Variants in KAZN observed in about 807,000 individuals in gnomAD.
KAZN encodes kazrin.
Under a neutral mutation model 87.4 loss-of-function variants are expected in KAZN, and 40 were observed. That is an observed-to-expected ratio of 0.46 (90% CI 0.36 to 0.60). The LOEUF (loss-of-function observed/expected upper bound fraction) is 0.60, where lower values mean the gene tolerates loss of function less well. Among genes scored for constraint, KAZN ranks in the 20% least tolerant of loss-of-function variants. The pLI, the probability that KAZN is intolerant of heterozygous loss-of-function variation, is 0.00. For missense variants in KAZN, 898 were observed against 1,073.9 expected, an observed-to-expected ratio of 0.84 and a Z score of 2.29; for synonymous variants, 466 against 458.3, an observed-to-expected ratio of 1.02 and a Z score of -0.22.
chr1:14,490,057 G>A (rs1022818485), intron 2 of KAZN, among the ~76,000 whole-genome samples: 2 of 152,150 alleles, frequency 1.3e-5, no homozygotes, highest in African/African-American at 4.8e-5. Context: ...GCCTGAAGAG[G>A]AAGGCACATC....
chr1:14,815,471 C>T (rs1646535515), intron 1 of KAZN, among the ~76,000 whole-genome samples: 2 of 152,164 alleles, frequency 1.3e-5, no homozygotes, highest in Admixed American at 1.3e-4. Context: ...CAACAACCCT[C>T]TGAAATCCGT....
At chr1:14,100,819 T>C (rs907191903) in intron 1 of KAZN, among the ~76,000 whole-genome samples, 1 of 152,200 alleles carries the variant, frequency 6.6e-6, no homozygotes, top group Non-Finnish European at 1.5e-5. Context: ...TGAATTCCCA[T>C]GTGTTTGTGG....
chr1:14,195,140 T>A (rs979581744), intron 2 of KAZN, among the ~76,000 whole-genome samples: 6 of 152,188 alleles, frequency 3.9e-5, no homozygotes, highest in East Asian at 1.9e-4. Flanking sequence ...TATATTTTTT[T>A]AAATTCTATA....
At chr1:14,508,241 T>G (rs1670709923) in intron 2 of KAZN, among the ~76,000 whole-genome samples, 1 of 152,154 alleles carries the variant, frequency 6.6e-6, no homozygotes, top group Non-Finnish European at 1.5e-5. Context: ...CTAGAAGAGA[T>G]AGTTCTGGGC....
At chr1:14,480,718 CAG>C (rs1411777753) in intron 2 of KAZN, among the ~76,000 whole-genome samples, 1 of 140,184 alleles carries the variant, frequency 7.1e-6, no homozygotes, top group East Asian at 2.0e-4. Context: ...TATATATAAA[CAG>C]ATACATAAAT....
At chr1:14,614,255 C>A (rs544680386) in intron 1 of KAZN, among the ~76,000 whole-genome samples, 1 of 152,354 alleles carries the variant, frequency 6.6e-6, no homozygotes, top group South Asian at 2.1e-4. Flanking sequence ...TTTACAAAAC[C>A]ATTTCCCTGT....
intron 2 of KAZN, among the ~76,000 whole-genome samples, chr1:14,256,652 T>C (rs1435748088): frequency 6.6e-6 from 1 of 152,294 alleles, no homozygotes; most frequent in East Asian, 1.9e-4. Flanking sequence ...TTCTTGGCTG[T>C]GTGATTGTGG....
intron 1 of KAZN, among the ~76,000 whole-genome samples, chr1:14,665,531 C>T (rs1329543242): frequency 1.3e-5 from 2 of 150,484 alleles, no homozygotes; most frequent in Non-Finnish European, 3.0e-5. Context: ...CCTTCAGGTG[C>T]GTGTTAGGGG....
intron 1 of KAZN, among the ~76,000 whole-genome samples, chr1:14,940,647 C>G (rs571760966): frequency 1.9e-4 from 29 of 152,234 alleles, no homozygotes; most frequent in African/African-American, 6.7e-4. Context: ...GCTGCTGGAG[C>G]CTGTACCTTC....
chr1:13,893,712 CCTT>C (rs1284522774), exon 1 of KAZN: 6 of 1,550,524 alleles, frequency 3.9e-6, no homozygotes, highest in Non-Finnish European at 4.4e-6. Flanking sequence ...GGCCCCGTCA[CCTT>C]CTCCCACGTC....
chr1:15,103,634 C>T (rs1641177937), intron 12 of KAZN, among the ~76,000 whole-genome samples, 174 bp downstream of exon 12: 1 of 149,226 alleles, frequency 6.7e-6, no homozygotes, highest in South Asian at 2.1e-4. Context: ...AGCATCTTAA[C>T]TCAGGCCCAG....
chr1:14,162,649 A>C (rs1645734654), intron 1 of KAZN, among the ~76,000 whole-genome samples: 1 of 149,686 alleles, frequency 6.7e-6, no homozygotes, highest in Admixed American at 6.7e-5. Context: ...GGTTCACGCC[A>C]TTCTCCTGCC....
At chr1:13,997,508 T>C (rs1373305427) in intron 1 of KAZN, among the ~76,000 whole-genome samples, 1 of 151,430 alleles carries the variant, frequency 6.6e-6, no homozygotes, top group Non-Finnish European at 1.5e-5. Flanking sequence ...GAATAACCAG[T>C]TTTGAAAGGA....
intron 2 of KAZN, among the ~76,000 whole-genome samples, chr1:14,976,007 G>A (rs1280289839): frequency 2.8e-5 from 4 of 144,788 alleles, no homozygotes; most frequent in African/African-American, 1.0e-4. Flanking sequence ...ACTCCAGCCT[G>A]GGCGACTGAG....
chr1:14,148,249 G>T (rs11583616), intron 1 of KAZN, among the ~76,000 whole-genome samples: 60,306 of 151,782 alleles, frequency 0.4, 12,281 homozygotes, highest in Middle Eastern at 0.49. Context: ...ATTTCTAATA[G>T]AAACTTTAAT....
In KAZN at chr1:14,599,234, C is replaced by T; in HGVS notation, c.226+11C>T. 1.5e-6 allele frequency: 2 copies of T among 1,367,108 alleles called. No homozygotes were observed. Among genetic ancestry groups the T allele is most frequent in the South Asian group, 2.1e-5 (1 of 48,422 alleles). 84.7% of individuals were successfully genotyped at this position (1,367,108 alleles called of 1,614,324 possible). On this transcript the variant is annotated intron_variant, in intron 1 of 14. Transcript: ENST00000376030. This position sits in a 1 kb window ranked among gnomAD's most constrained non-coding sequence, Gnocchi z 4.4. The stretch of plus-strand genomic sequence containing the variant: ...AGCTTGGAGCGCAAGGTAGGATCGC[C>T]CCGGCGCCCAGGGCGGAGGAAGGCG...
chr1:14,008,264 T>A (rs1640125377), intron 1 of KAZN, among the ~76,000 whole-genome samples: 1 of 152,188 alleles, frequency 6.6e-6, no homozygotes, highest in Non-Finnish European at 1.5e-5. Flanking sequence ...TCACATGCAA[T>A]AGTACCCTTA....
intron 1 of KAZN, among the ~76,000 whole-genome samples, chr1:13,987,154 G>A (rs557952266): frequency 3.3e-5 from 5 of 152,040 alleles, no homozygotes; most frequent in African/African-American, 9.6e-5. Flanking sequence ...GTTGTTTTTT[G>A]GTTAATTTTT....
At chr1:14,876,508 G>A (rs74059639) in intron 1 of KAZN, among the ~76,000 whole-genome samples, 5 of 152,180 alleles carry the variant, frequency 3.3e-5, no homozygotes, top group African/African-American at 7.2e-5. Flanking sequence ...TCTTTGCAGG[G>A]GAAGCAGACA....
Sources: allele counts gnomAD v4.1 joint callset (sites outside exome capture counted in the v4.1 genomes callset), GRCh38; gene constraint gnomAD v4.1.1; non-coding constraint Gnocchi (gnomAD v3.1); transcripts MANE v1.5; gene names NCBI Gene and HGNC (gene_info 2026-07-23, HGNC 2026-07-21).